The following MCF2L2 variants were observed in gnomAD, a reference collection of about 807,000 sequenced individuals.
MCF2L2 encodes MCF.2 cell line derived transforming sequence-like 2.
A neutral mutation model predicts 150.2 loss-of-function variants in MCF2L2; 102 were observed. The ratio of observed to expected loss-of-function variants is 0.68; its 90% CI spans 0.58 to 0.80. The LOEUF (loss-of-function observed/expected upper bound fraction) is 0.80, where lower values mean the gene tolerates loss of function less well. Among genes scored for constraint, MCF2L2 ranks in the 30% least tolerant of loss-of-function variants. The pLI, the probability that MCF2L2 is intolerant of heterozygous loss-of-function variation, is 0.00. For synonymous variants in MCF2L2, 465 were observed against 491.3 expected (o/e 0.95, Z 0.71); for missense variants, 1,256 against 1,372.8 (o/e 0.91, Z 1.34).
At chr3:183,201,609 C>G (rs555362668) in intron 25 of MCF2L2, among the ~76,000 whole-genome samples, 4 of 152,180 alleles carry the variant, frequency 2.6e-5, no homozygotes, top group Non-Finnish European at 4.4e-5. Flanking sequence ...AATTCAATAC[C>G]CTTTATTTCT....
chr3:183,368,254 A>G (rs1043387479), intron 3 of MCF2L2, among the ~76,000 whole-genome samples: 1 of 152,164 alleles, frequency 6.6e-6, no homozygotes, highest in African/African-American at 2.4e-5. Context: ...TGTGTCTTAA[A>G]AAGTCCTCCA....
intron 3 of MCF2L2, among the ~76,000 whole-genome samples, chr3:183,355,317 T>C (rs1048893433): frequency 6.6e-6 from 1 of 152,116 alleles, no homozygotes; most frequent in Non-Finnish European, 1.5e-5. Context: ...ATACTGACCT[T>C]AGAAAATGGA....
At chr3:183,242,666 A>G (rs1382398429) in intron 15 of MCF2L2, among the ~76,000 whole-genome samples, 2 of 152,322 alleles carry the variant, frequency 1.3e-5, no homozygotes, top group East Asian at 3.9e-4. Flanking sequence ...AATCTCTGCT[A>G]GGGGAGTATG....
chr3:183,355,470 CG>C (rs1711709473), intron 3 of MCF2L2, among the ~76,000 whole-genome samples: 2 of 149,710 alleles, frequency 1.3e-5, no homozygotes, highest in Admixed American at 1.3e-4. Flanking sequence ...TTTTTTGAGA[CG>C]GAGTCTCGCT....
At chr3:183,306,482 T>C (rs573726929) in intron 10 of MCF2L2, among the ~76,000 whole-genome samples, 19 of 152,336 alleles carry the variant, frequency 1.2e-4, no homozygotes, top group African/African-American at 4.6e-4. Context: ...AATAAGTTTA[T>C]TTCCCCCCGA....
chr3:183,224,070 A>G (rs1395323131), intron 19 of MCF2L2, 28 bp downstream of exon 19: 18 of 1,549,076 alleles, frequency 1.2e-5, no homozygotes, highest in Admixed American at 1.7e-5. Flanking sequence ...AACATTTTCC[A>G]GGAAGAAGTT....
chr3:183,216,874 G>A (rs1441980695), intron 21 of MCF2L2, among the ~76,000 whole-genome samples: 1 of 150,966 alleles, frequency 6.6e-6, no homozygotes, highest in Admixed American at 6.6e-5. Flanking sequence ...TAAAGTGCTG[G>A]GATTACAGGC....
rs1423770705 is a variant in MCF2L2 at position 183,305,576 on chromosome 3, C to T, written c.1113+4140G>A. On this transcript the variant is annotated intron_variant, in intron 10 of 29. Transcript: ENST00000328913. This position sits in a 1 kb window ranked among gnomAD's most constrained non-coding sequence, Gnocchi z 4.1. ...CATAAAGGCAACTGAGGAGGCCGGG[C>T]GCAGTGGGTCACGCCTGTAATCCCA... 6.6e-6 allele frequency among the ~76,000 whole-genome samples: 1 copy of T among 152,136 alleles called. No homozygotes were observed. The highest frequency in any genetic ancestry group is 1.5e-5 in the Non-Finnish European group (1 of 68,016).
chr3:183,344,534 T>C (rs951561706), intron 3 of MCF2L2, among the ~76,000 whole-genome samples: 2 of 152,208 alleles, frequency 1.3e-5, no homozygotes. Flanking sequence ...TGCAAAATAA[T>C]CAGTTAGCAT....
chr3:183,300,876 G>A (rs1339172683), intron 10 of MCF2L2, among the ~76,000 whole-genome samples: 14 of 152,090 alleles, frequency 9.2e-5, no homozygotes, highest in Admixed American at 7.9e-4. Context: ...TTAGATGGGC[G>A]TGGTGGTAGG....
intron 13 of MCF2L2, among the ~76,000 whole-genome samples, chr3:183,292,665 G>A (rs551028141): frequency 1.3e-5 from 2 of 152,138 alleles, no homozygotes; most frequent in African/African-American, 4.8e-5. Flanking sequence ...ACCATAGTGG[G>A]GGATTAACAT....
chr3:183,251,390 T>TA (rs1475410152), intron 15 of MCF2L2, among the ~76,000 whole-genome samples: 1 of 152,158 alleles, frequency 6.6e-6, no homozygotes, highest in Non-Finnish European at 1.5e-5. Context: ...ACTCAGGGTT[T>TA]AGTCTCCCCT....
chr3:183,290,992 T>C (rs996558224), intron 13 of MCF2L2, among the ~76,000 whole-genome samples: 3 of 152,196 alleles, frequency 2.0e-5, no homozygotes, highest in African/African-American at 4.8e-5. Flanking sequence ...TGGAAGCAGC[T>C]TGGGCTTTCT....
At chr3:183,204,790 G>T (rs542208268) in intron 25 of MCF2L2, among the ~76,000 whole-genome samples, 2 of 152,168 alleles carry the variant, frequency 1.3e-5, no homozygotes, top group South Asian at 4.2e-4. Flanking sequence ...AACAAAGATG[G>T]TATATCCATA....
chr3:183,309,709 A>T lies in MCF2L2; in HGVS notation c.1113+7T>A. ...CTCCCAGTACACAAAAATGTCAGAAAGCAAACCTGGCTTTTTTCCTCCAGT... is the reference window on the plus strand; with the variant it reads ...CTCCCAGTACACAAAAATGTCAGAATGCAAACCTGGCTTTTTTCCTCCAGT... On this transcript the variant is annotated splice_region_variant and intron_variant, in intron 10 of 29. Transcript: ENST00000328913. 1 of 1,614,046 alleles carries T rather than the reference A, an allele frequency of 6.2e-7. No homozygotes were observed. Among genetic ancestry groups the T allele is most frequent in the East Asian group, 2.2e-5 (1 of 44,868 alleles).
At chr3:183,349,989 A>G (rs1731049124) in intron 3 of MCF2L2, among the ~76,000 whole-genome samples, 1 of 152,112 alleles carries the variant, frequency 6.6e-6, no homozygotes, top group Non-Finnish European at 1.5e-5. Context: ...TCGTTTATAA[A>G]CACAGGCTAT....
chr3:183,404,144 T>C (rs11715424), intron 1 of MCF2L2, among the ~76,000 whole-genome samples: 56,923 of 151,986 alleles, frequency 0.37, 10,941 homozygotes, highest in African/African-American at 0.44. Context: ...ATTTAAAAAA[T>C]TTATGCACAA....
At chr3:183,312,901 T>G (rs1435062345) in intron 7 of MCF2L2, among the ~76,000 whole-genome samples, 1 of 152,228 alleles carries the variant, frequency 6.6e-6, no homozygotes, top group South Asian at 2.1e-4. Context: ...CAGGGTTCTT[T>G]GGACACCTCC....
chr3:183,359,535 C>T (rs1292987821), intron 3 of MCF2L2, among the ~76,000 whole-genome samples: 2 of 152,204 alleles, frequency 1.3e-5, no homozygotes, highest in Non-Finnish European at 2.9e-5. Flanking sequence ...TTGAACACAC[C>T]TGAACTCATC....
Sources: gnomAD v4.1 joint callset for allele counts (sites outside exome capture counted in the v4.1 genomes callset) on GRCh38, gnomAD v4.1.1 for gene constraint, Gnocchi (gnomAD v3.1) non-coding constraint, MANE v1.5 for transcripts, NCBI Gene and HGNC (gene_info 2026-07-23, HGNC 2026-07-21) for gene names.